The following MLLT3 variants were observed in gnomAD, a reference collection of about 807,000 sequenced individuals.
MLLT3 encodes the protein MLLT3 super elongation complex subunit.
In MLLT3, 4 loss-of-function variants were observed where a neutral mutation model predicts 53.2. The observed-to-expected ratio is 0.08, with a 90% CI of 0.04 to 0.17. The LOEUF (loss-of-function observed/expected upper bound fraction) is 0.17, where lower values mean the gene tolerates loss of function less well. Among genes scored for constraint, MLLT3 ranks in the 10% least tolerant of loss-of-function variants. The probability of loss-of-function intolerance (pLI) is 1.00; values close to 1 mark genes in which losing one functional copy is unlikely to be tolerated. For synonymous variants in MLLT3, 283 were observed against 230.6 expected, an observed-to-expected ratio of 1.23 and a Z score of -2.06; for missense variants, 569 against 684.0, an observed-to-expected ratio of 0.83 and a Z score of 1.87.
chr9:20,576,996 C>G (rs1819671922), intron 2 of MLLT3, among the ~76,000 whole-genome samples: 1 of 152,136 alleles, frequency 6.6e-6, no homozygotes, highest in Non-Finnish European at 1.5e-5. Flanking sequence ...CACACTATAT[C>G]TGCAAAGCAC....
At chr9:20,353,021 T>C (rs1250290120) in intron 10 of MLLT3, among the ~76,000 whole-genome samples, 1 of 152,128 alleles carries the variant, frequency 6.6e-6, no homozygotes, top group Non-Finnish European at 1.5e-5. Context: ...CTACAAGTAT[T>C]CCACAGTTGA....
intron 2 of MLLT3, among the ~76,000 whole-genome samples, chr9:20,571,696 C>A (rs539955318): frequency 6.6e-6 from 1 of 151,912 alleles, no homozygotes; most frequent in African/African-American, 2.4e-5. Flanking sequence ...CAGAAAACAA[C>A]CTGATTTTAA....
At chr9:20,455,708 A>T (rs1823948907) in intron 3 of MLLT3, among the ~76,000 whole-genome samples, 1 of 152,166 alleles carries the variant, frequency 6.6e-6, no homozygotes, top group Non-Finnish European at 1.5e-5. Flanking sequence ...AAAAATAAGG[A>T]ATATGATATA....
At chr9:20,412,632 C>G (rs1286538351) in intron 5 of MLLT3, among the ~76,000 whole-genome samples, 1 of 152,064 alleles carries the variant, frequency 6.6e-6, no homozygotes, top group Non-Finnish European at 1.5e-5. Context: ...GCCCAAGGGA[C>G]AGAAAGAAAA....
rs370730840 is a variant in MLLT3 at position 20,622,301 on chromosome 9, C to G, written c.-45G>C. 4.3e-5 allele frequency: 65 copies of G among 1,498,906 alleles called. No individual in the cohort carries two copies. Among genetic ancestry groups the G allele is most frequent in the South Asian group, 3.8e-4 (30 of 77,948 alleles). 92.9% of individuals were successfully genotyped at this position (1,498,906 alleles called of 1,614,324 possible). On this transcript the variant is annotated 5_prime_UTR_variant, in exon 1 of 11. Coordinates refer to ENST00000380338, the MANE Select transcript of MLLT3 (RefSeq NM_004529.4). ...TGCTGGGGTGTTGTGTGGTACCCCC[C>G]CCTCCTCCGCCCCCCCTCAGCTGTA... is the stretch of plus-strand genomic sequence containing the variant.
chr9:20,500,169 T>C (rs185946125), intron 2 of MLLT3, among the ~76,000 whole-genome samples: 139 of 152,328 alleles, frequency 9.1e-4, no homozygotes, highest in Admixed American at 2.6e-3. Context: ...GAGTTTCTCA[T>C]TTGGCTGCAC....
intron 5 of MLLT3, among the ~76,000 whole-genome samples, chr9:20,407,210 G>A (rs1822601783): frequency 6.6e-6 from 1 of 152,168 alleles, no homozygotes; most frequent in African/African-American, 2.4e-5. Context: ...TTATTTGGTG[G>A]CATCTTCTGG....
chr9:20,474,191 A>G (rs779689887), intron 2 of MLLT3, among the ~76,000 whole-genome samples: 1 of 152,116 alleles, frequency 6.6e-6, no homozygotes, highest in Non-Finnish European at 1.5e-5. Context: ...TATTGGACTG[A>G]TTTGAACAAA....
intron 2 of MLLT3, among the ~76,000 whole-genome samples, chr9:20,616,752 C>T (rs1008968801): frequency 6.6e-6 from 1 of 152,066 alleles, no homozygotes. Context: ...TATAGATTAT[C>T]ATCATTTAAT....
At chr9:20,587,256 G>A (rs1422696713) in intron 2 of MLLT3, among the ~76,000 whole-genome samples, 1 of 144,896 alleles carries the variant, frequency 6.9e-6, no homozygotes, top group East Asian at 2.1e-4. Context: ...AAACCAATAA[G>A]ACACAAAGCA....
At chr9:20,510,247 G>A (rs1825498788) in intron 2 of MLLT3, among the ~76,000 whole-genome samples, 1 of 152,124 alleles carries the variant, frequency 6.6e-6, no homozygotes, top group Non-Finnish European at 1.5e-5. Context: ...ATGAATAGGA[G>A]AAATGTGAAT....
intron 2 of MLLT3, among the ~76,000 whole-genome samples, chr9:20,511,192 T>C (rs1825525602): frequency 6.6e-6 from 1 of 152,156 alleles, no homozygotes; most frequent in African/African-American, 2.4e-5. Flanking sequence ...CATGTTCATA[T>C]GGAAGGATGC....
intron 2 of MLLT3, among the ~76,000 whole-genome samples, chr9:20,526,808 A>G (rs1451632603): frequency 1.3e-5 from 2 of 152,164 alleles, no homozygotes; most frequent in Non-Finnish European, 2.9e-5. Flanking sequence ...ATTCCTGCCA[A>G]TACTTCATTG....
At chr9:20,364,079 T>G (rs946864245) in intron 6 of MLLT3, among the ~76,000 whole-genome samples, 1 of 152,202 alleles carries the variant, frequency 6.6e-6, no homozygotes, top group African/African-American at 2.4e-5. Flanking sequence ...CAAGCAAGCA[T>G]TTCAGTCAAG....
chr9:20,424,145 A>G (rs1490152084), intron 4 of MLLT3, among the ~76,000 whole-genome samples: 2 of 152,158 alleles, frequency 1.3e-5, no homozygotes, highest in African/African-American at 4.8e-5. Flanking sequence ...TTGGCAACTG[A>G]GAAGGTCCTG....
intron 2 of MLLT3, among the ~76,000 whole-genome samples, chr9:20,550,780 C>T (rs542247394): frequency 5.8e-4 from 88 of 152,022 alleles, no homozygotes; most frequent in African/African-American, 2.0e-3. Flanking sequence ...TTTTAAGAGA[C>T]AGGGTCTCAC....
At chr9:20,573,187 T>TG (rs1258904220) in intron 2 of MLLT3, among the ~76,000 whole-genome samples, 2 of 67,052 alleles carry the variant, frequency 3.0e-5, no homozygotes, top group Non-Finnish European at 8.8e-5. Context: ...TTTTTTGTTT[T>TG]GTTTTTTTTT....
chr9:20,569,297 C>A (rs1392436413), intron 2 of MLLT3, among the ~76,000 whole-genome samples: 1 of 152,088 alleles, frequency 6.6e-6, no homozygotes, highest in African/African-American at 2.4e-5. Context: ...CTCGGAGAAA[C>A]CAGGTAACCT....
intron 2 of MLLT3, among the ~76,000 whole-genome samples, chr9:20,593,949 T>TC (rs1478330800): frequency 4.6e-5 from 7 of 151,854 alleles, no homozygotes; most frequent in Non-Finnish European, 1.0e-4. Context: ...TCATTTTTTT[T>TC]TTTTTTTCTG....
Sources: gnomAD v4.1 joint callset for allele counts (sites outside exome capture counted in the v4.1 genomes callset) on GRCh38, gnomAD v4.1.1 for gene constraint, MANE v1.5 for transcripts, NCBI Gene and HGNC (gene_info 2026-07-23, HGNC 2026-07-21) for gene names.